EYS: variants seen among roughly 807,000 people sequenced by gnomAD.
The protein encoded by EYS is protein eyes shut homolog.
Under a neutral mutation model 282.1 loss-of-function variants are expected in EYS, and 250 were observed. The observed-to-expected ratio is 0.89, with a 90% CI of 0.80 to 0.98. The LOEUF (loss-of-function observed/expected upper bound fraction) is 0.98, where lower values mean the gene tolerates loss of function less well. EYS is among the 50% of genes least tolerant of loss of function. The pLI is 0.00. For synonymous variants in EYS, 1,355 were observed against 1,282.9 expected, an observed-to-expected ratio of 1.06 and a Z score of -1.20; for missense variants, 4,016 against 3,709.0, an observed-to-expected ratio of 1.08 and a Z score of -2.15.
At chr6:64,453,497 C>T (rs1428944093) in intron 26 of EYS, among the ~76,000 whole-genome samples, 1 of 152,154 alleles carries the variant, frequency 6.6e-6, no homozygotes, top group South Asian at 2.1e-4. Context: ...CCCTGCCATC[C>T]CATTACTGGG....
At chr6:64,056,512 A>G (rs370166136) in intron 33 of EYS, among the ~76,000 whole-genome samples, 9 of 152,178 alleles carry the variant, frequency 5.9e-5, no homozygotes, top group South Asian at 4.1e-4. Flanking sequence ...AAGAGGCTAC[A>G]CCAAACTGGA....
intron 22 of EYS, among the ~76,000 whole-genome samples, chr6:64,794,999 C>T (rs1583165828): frequency 6.6e-6 from 1 of 152,070 alleles, no homozygotes; most frequent in Admixed American, 6.6e-5. Flanking sequence ...CTTTGGCAGG[C>T]CGAGGCAGGT....
chr6:63,876,284 G>T (rs571703303), intron 35 of EYS, among the ~76,000 whole-genome samples: 2 of 152,316 alleles, frequency 1.3e-5, no homozygotes, highest in African/African-American at 4.8e-5. Context: ...GAGCGGTTTT[G>T]ACTGAGTTTT....
Position 64,196,582 on chromosome 6 carries a change from A to G in EYS, c.6424+34010T>C, listed in dbSNP as rs983062664. ...TGCAGCCATGAAAAATGATGAGTTC[A>G]TGTCCTTTATAGGGACATGGATGAA... On this transcript the variant is annotated intron_variant, in intron 31 of 42. Coordinates refer to ENST00000503581, the MANE Select transcript of EYS (RefSeq NM_001142800.2). Among the ~76,000 whole-genome samples, 5 of 152,222 alleles carry G rather than the reference A, an allele frequency of 3.3e-5. No homozygotes were observed. The East Asian group carries it at 5.8e-4, about 18-fold the overall frequency.
intron 41 of EYS, among the ~76,000 whole-genome samples, chr6:63,743,411 T>C (rs1442252511): frequency 1.3e-5 from 2 of 152,226 alleles, no homozygotes; most frequent in Non-Finnish European, 2.9e-5. Flanking sequence ...ACCTAAGTAA[T>C]ATCTTCTGTT....
chr6:65,706,178 G>A (rs1019790537), intron 1 of EYS, among the ~76,000 whole-genome samples: 1 of 150,262 alleles, frequency 6.7e-6, no homozygotes, highest in Admixed American at 6.7e-5. Flanking sequence ...ATATGATATA[G>A]ATGATATGAG....
chr6:65,534,605 C>T (rs1458669932), intron 2 of EYS, among the ~76,000 whole-genome samples: 6 of 152,076 alleles, frequency 3.9e-5, no homozygotes, highest in African/African-American at 1.4e-4. Flanking sequence ...TTTGCGTCTG[C>T]TTGCAACTTA....
At chr6:64,076,996 C>G (rs1246838317) in intron 32 of EYS, among the ~76,000 whole-genome samples, 1 of 151,906 alleles carries the variant, frequency 6.6e-6, no homozygotes, top group Admixed American at 6.6e-5. Context: ...CCAAAGAAAG[C>G]TATGCACATT....
intron 29 of EYS, among the ~76,000 whole-genome samples, chr6:64,347,162 G>A (rs1156619746): frequency 6.6e-6 from 1 of 151,320 alleles, no homozygotes; most frequent in Non-Finnish European, 1.5e-5. Context: ...AACAGAGGAA[G>A]AACCTATAGA....
intron 22 of EYS, among the ~76,000 whole-genome samples, chr6:64,693,795 C>A (rs1419569903): frequency 6.6e-6 from 1 of 151,988 alleles, no homozygotes; most frequent in African/African-American, 2.4e-5. Context: ...AAGATACTCT[C>A]TTCATTAAAA....
At chr6:63,785,402 T>C (rs2149668721) in intron 39 of EYS, among the ~76,000 whole-genome samples, 1 of 152,282 alleles carries the variant, frequency 6.6e-6, no homozygotes, top group East Asian at 1.9e-4. Context: ...CTTCATTCCG[T>C]GCCCAGTCTG....
At chr6:64,389,670 A>G (rs562044769) in intron 28 of EYS, among the ~76,000 whole-genome samples, 5 of 152,338 alleles carry the variant, frequency 3.3e-5, no homozygotes, top group African/African-American at 1.2e-4. Flanking sequence ...ACCCTTATAG[A>G]AAAAGTTGGT....
Position 63,720,886 on chromosome 6 carries a change from C to T in EYS, c.9145G>A (p.Val3049Ile), listed in dbSNP as rs1174639337. 4.5e-6 allele frequency: 7 copies of T among 1,550,980 alleles called. No individual in the cohort carries two copies. Among genetic ancestry groups the T allele is most frequent in the South Asian group, 2.4e-5 (2 of 84,048 alleles). ...TTGATAAGAGTCTGATTTTGAATTACAACTACATGGTGCCATTTATTACAA... is the reference window on the plus strand; with the variant it reads ...TTGATAAGAGTCTGATTTTGAATTATAACTACATGGTGCCATTTATTACAA... Reference protein sequence around the residue: ...FCCNKWHHVVVIQNQTLIKAY... With the variant: ...FCCNKWHHVVIIQNQTLIKAY... Residue 3049 changes from valine to isoleucine, a missense_variant, in exon 43 of 43, where the codon GTA becomes ATA. Physicochemically the swap from Val to Ile is conservative, Grantham distance 29. Coordinates refer to ENST00000503581, the MANE Select transcript of EYS (RefSeq NM_001142800.2).
chr6:64,934,853 T>C (rs1429639550), intron 15 of EYS, among the ~76,000 whole-genome samples: 1 of 151,868 alleles, frequency 6.6e-6, no homozygotes, highest in Admixed American at 6.6e-5. Flanking sequence ...GTAACTATAT[T>C]AGTAAATATT....
At chr6:64,956,818 A>G (rs1053077197) in intron 14 of EYS, among the ~76,000 whole-genome samples, 2 of 152,220 alleles carry the variant, frequency 1.3e-5, no homozygotes, top group African/African-American at 4.8e-5. Flanking sequence ...ACAAATGGCA[A>G]ACAGGCATAT....
chr6:64,220,294 C>T (rs896877263), intron 31 of EYS, among the ~76,000 whole-genome samples: 2 of 152,088 alleles, frequency 1.3e-5, no homozygotes, highest in South Asian at 2.1e-4. Context: ...TTTGTTGACC[C>T]CACAAATTAT....
chr6:65,617,565 A>ATTG (rs1766250384), intron 2 of EYS, among the ~76,000 whole-genome samples: 1 of 151,794 alleles, frequency 6.6e-6, no homozygotes, highest in African/African-American at 2.4e-5. Context: ...ATTTATTATT[A>ATTG]TTATACTTTA....
At chr6:64,879,338 A>G (rs1245699461) in intron 19 of EYS, among the ~76,000 whole-genome samples, 2 of 152,068 alleles carry the variant, frequency 1.3e-5, no homozygotes, top group Admixed American at 6.6e-5. Context: ...TTCAGTTAGC[A>G]TTTTGATGGT....
chr6:65,481,618 G>T (rs1013668272), intron 5 of EYS, among the ~76,000 whole-genome samples: 1 of 152,114 alleles, frequency 6.6e-6, no homozygotes, highest in South Asian at 2.1e-4. Flanking sequence ...GCGCGATCTC[G>T]GCTCACTGCA....
Sources: allele counts gnomAD v4.1 joint callset (sites outside exome capture counted in the v4.1 genomes callset), GRCh38; gene constraint gnomAD v4.1.1; transcripts MANE v1.5; gene names NCBI Gene and HGNC (gene_info 2026-07-23, HGNC 2026-07-21).